POLA1: variants seen among roughly 807,000 people sequenced by gnomAD.
POLA1 encodes the protein DNA polymerase alpha 1, catalytic subunit.
In POLA1, 15 loss-of-function variants were observed where a neutral mutation model predicts 124.0. The observed-to-expected ratio is 0.12, with a 90% CI of 0.08 to 0.19. The LOEUF is 0.19. POLA1 is among the 10% of genes least tolerant of loss of function. POLA1 has a pLI of 1.00. For synonymous variants in POLA1, 408 were observed against 389.4 expected (o/e 1.05, Z -0.56); for missense variants, 886 against 1,103.4 (o/e 0.80, Z 2.79).
At chrX:24,764,914 C>G (rs1360296372) in intron 26 of POLA1, among the ~76,000 whole-genome samples, 1 of 111,293 alleles carries the variant, frequency 9.0e-6, no homozygotes, top group Non-Finnish European at 1.9e-5. Flanking sequence ...TCTTGTCCCC[C>G]CCAATCTATT....
intron 4 of POLA1, among the ~76,000 whole-genome samples, chrX:24,707,659 C>T (rs1193641127): frequency 8.9e-6 from 1 of 112,189 alleles, no homozygotes; most frequent in Non-Finnish European, 1.9e-5. Flanking sequence ...AGTAAAAAGT[C>T]AACTATGGTG....
At chrX:24,822,980 T>C (rs900159184) in intron 31 of POLA1, among the ~76,000 whole-genome samples, 2 of 111,903 alleles carry the variant, frequency 1.8e-5, no homozygotes, top group African/African-American at 3.3e-5. Context: ...TGGTAACTTA[T>C]AAAATAGGAT....
At position 24,739,450 on chromosome X, in the gene POLA1, T is replaced by A. The variant is rs2148387997; in HGVS notation, c.2116T>A (p.Leu706Met). Reference protein sequence around the residue: ...ICDVEISAKELIRCKSYHLSE... With the variant: ...ICDVEISAKEMIRCKSYHLSE... ...TGATGTGGAAATTTCAGCAAAGGAA[T>A]TGATTCGTTGTAAAAGCTACCATCT... Residue 706 changes from leucine (L) to methionine (M), a missense_variant, in exon 20 of 37, where the codon TTG becomes ATG. Physicochemically the swap from Leu to Met is conservative, Grantham distance 15. Around this residue, in one of 7 missense-constraint regions of POLA1, gnomAD observed 182 missense variants for 252.8 expected, o/e 0.72. Coordinates refer to ENST00000379068, the MANE Select transcript of POLA1 (RefSeq NM_001330360.2). 1.7e-6 allele frequency: 2 copies of A among 1,192,264 alleles called. No homozygotes were observed. Among genetic ancestry groups the A allele is most frequent in the Non-Finnish European group, 2.3e-6 (2 of 878,893 alleles).
chrX:24,905,672 C>T (rs1007479886), intron 35 of POLA1, among the ~76,000 whole-genome samples: 1 of 106,525 alleles, frequency 9.4e-6, no homozygotes, highest in East Asian at 3.0e-4. Flanking sequence ...AAGTGATTCT[C>T]CTGCCTCAGC....
intron 36 of POLA1, among the ~76,000 whole-genome samples, chrX:24,942,553 G>A (rs2047918997): frequency 8.9e-6 from 1 of 112,172 alleles, no homozygotes; most frequent in Non-Finnish European, 1.9e-5. Context: ...TTTTCTTTAA[G>A]TGCCCTATTT....
chrX:24,898,201 A>G (rs1367705119), intron 35 of POLA1, among the ~76,000 whole-genome samples: 1 of 112,654 alleles, frequency 8.9e-6, no homozygotes, highest in African/African-American at 3.2e-5. Flanking sequence ...AAATTACAGC[A>G]ATAGCAGGTA....
At chrX:24,927,818 G>A (rs1365283563) in intron 35 of POLA1, among the ~76,000 whole-genome samples, 1 of 111,920 alleles carries the variant, frequency 8.9e-6, no homozygotes, top group Admixed American at 9.5e-5. Context: ...TAAGTGTGAG[G>A]AAAAAAACGC....
At chrX:24,741,277 T>A in intron 20 of POLA1, 98 bp from the exon 21 acceptor site, 1 of 640,701 alleles carries the variant, frequency 1.6e-6, no homozygotes, top group Non-Finnish European at 2.4e-6. Flanking sequence ...TGAATTTACT[T>A]ACACCCAGAA....
intron 26 of POLA1, among the ~76,000 whole-genome samples, chrX:24,768,938 CTT>C (rs1693434621): frequency 8.9e-6 from 1 of 112,090 alleles, no homozygotes; most frequent in Admixed American, 9.5e-5. Flanking sequence ...TGTGTCCTGT[CTT>C]TGGCCTCTTG....
chrX:24,901,990 G>A (rs993413465), intron 35 of POLA1, among the ~76,000 whole-genome samples: 7 of 109,392 alleles, frequency 6.4e-5, no homozygotes, highest in South Asian at 7.8e-4. Flanking sequence ...ACCCCTCTGC[G>A]CGTGCATGTG....
intron 6 of POLA1, among the ~76,000 whole-genome samples, chrX:24,715,756 G>C (rs1319069716): frequency 1.8e-5 from 2 of 111,600 alleles, no homozygotes; most frequent in Non-Finnish European, 3.8e-5. Context: ...GTGTGTGTTT[G>C]AAGTAGTAAG....
At position 24,884,159 on chromosome X, in the gene POLA1, A is replaced by T. The variant is rs185523100; in HGVS notation, c.4048-3847A>T. On this transcript the variant is annotated intron_variant, in intron 34 of 36. Transcript: ENST00000379068. ...TATTTATTTATTTTTATTAAAAAAA[A>T]TTTTTTTGAGACAGGATCTCACTCT... Among the ~76,000 whole-genome samples the T allele has an allele frequency of 9.7e-4, 108 of 111,017 alleles. 2 individuals carry two copies. Among genetic ancestry groups the T allele is most frequent in the South Asian group, 9.2e-3 (24 of 2,610 alleles).
chrX:24,767,624 A>C (rs1932938048), intron 26 of POLA1, among the ~76,000 whole-genome samples: 1 of 112,336 alleles, frequency 8.9e-6, no homozygotes, highest in African/African-American at 3.2e-5. Context: ...TTTATGAGAA[A>C]TTGTAATCTT....
chrX:24,984,830 T>C (rs1601932913), intron 36 of POLA1, among the ~76,000 whole-genome samples: 1 of 109,458 alleles, frequency 9.1e-6, no homozygotes. Flanking sequence ...CGGCTAATGT[T>C]TTTGTATTTT....
rs1031401008 is a variant in POLA1 at position 24,703,322 on chromosome X, G to C, written c.240G>C (p.Gln80His). 19 of 1,199,109 alleles carry C rather than the reference G, an allele frequency of 1.6e-5. No homozygotes were observed. The African/African-American group carries it at 3.0e-4, about 19-fold the overall frequency. Residue 80 changes from glutamine (Q) to histidine (H), a missense_variant, in exon 3 of 37, where the codon CAG (glutamine) becomes CAC (histidine). By Grantham distance (24) the Gln-to-His change is conservative. This residue lies in a region of POLA1 where 337 missense variants were observed against 402.8 expected (regional missense o/e 0.84). Coordinates refer to ENST00000379068, the MANE Select transcript of POLA1 (RefSeq NM_001330360.2). ...ATTCGAAGCTGGTTCAGGCACGCCA[G>C]GATGATGACTGGATTGTGGATGATG... ...EQYSKLVQAR[Q>H]DDDWIVDDDG... is the part of the protein sequence containing the mutation.
chrX:24,733,246 GTGA>G (rs2148375113), intron 16 of POLA1, among the ~76,000 whole-genome samples: 1 of 112,158 alleles, frequency 8.9e-6, no homozygotes, highest in African/African-American at 3.2e-5. Flanking sequence ...GAACAAAATG[GTGA>G]TGAGAATAGC....
chrX:24,965,233 AAACAGT>A (rs1032013208), intron 36 of POLA1, among the ~76,000 whole-genome samples: 1 of 112,128 alleles, frequency 8.9e-6, no homozygotes, highest in African/African-American at 3.2e-5. Context: ...AGATGTTGGA[AAACAGT>A]AACATGCTGA....
chrX:24,808,757 A>T (rs1340264932), intron 26 of POLA1, among the ~76,000 whole-genome samples: 1 of 112,279 alleles, frequency 8.9e-6, no homozygotes, highest in African/African-American at 3.2e-5. Context: ...CTCTAAAGAC[A>T]GGATTTACAA....
chrX:24,854,341 C>T (rs1177084421), intron 34 of POLA1, among the ~76,000 whole-genome samples: 7 of 111,630 alleles, frequency 6.3e-5, no homozygotes, highest in Non-Finnish European at 9.4e-5. Context: ...TGAGCCACCG[C>T]GCCCGGCCAC....
Sources: allele counts gnomAD v4.1 joint callset (sites outside exome capture counted in the v4.1 genomes callset), GRCh38; gene constraint gnomAD v4.1.1; regional missense constraint gnomAD v4.1.1; transcripts MANE v1.5; gene names NCBI Gene and HGNC (gene_info 2026-07-23, HGNC 2026-07-21).